Variants in NRXN3 observed in about 807,000 individuals in gnomAD.
The protein encoded by NRXN3 is neurexin 3, also known as neurexin III.
In NRXN3, 32 loss-of-function variants were observed where a neutral mutation model predicts 137.6. The ratio of observed to expected loss-of-function variants is 0.23; its 90% CI spans 0.18 to 0.31. The LOEUF (loss-of-function observed/expected upper bound fraction) is 0.31. Among genes scored for constraint, NRXN3 ranks in the 10% least tolerant of loss-of-function variants. The pLI, the probability that NRXN3 is intolerant of heterozygous loss-of-function variation, is 1.00. For missense variants in NRXN3, 1,574 were observed against 2,062.5 expected, an observed-to-expected ratio of 0.76 and a Z score of 4.59; for synonymous variants, 798 against 784.5, an observed-to-expected ratio of 1.02 and a Z score of -0.29.
intron 15 of NRXN3, among the ~76,000 whole-genome samples, chr14:79,114,175 A>G (rs2054003285): frequency 6.6e-6 from 1 of 152,216 alleles, no homozygotes; most frequent in African/African-American, 2.4e-5. Context: ...GAGGGGAAGA[A>G]GGAAGAGAAG....
intron 20 of NRXN3, chr14:79,854,243 T>C (rs1357177071): frequency 1.6e-6 from 1 of 613,596 alleles, no homozygotes; most frequent in Non-Finnish European, 2.0e-6. Context: ...ATTAATATGG[T>C]ATGCTTTTTT....
At chr14:78,591,835 G>T (rs545540263) in intron 4 of NRXN3, among the ~76,000 whole-genome samples, 1 of 152,260 alleles carries the variant, frequency 6.6e-6, no homozygotes, top group East Asian at 1.9e-4. Context: ...TTGCGCCATC[G>T]CCATTACTCT....
At chr14:79,636,681 C>T (rs2098405460) in intron 16 of NRXN3, among the ~76,000 whole-genome samples, 1 of 152,124 alleles carries the variant, frequency 6.6e-6, no homozygotes, top group Admixed American at 6.6e-5. Flanking sequence ...GAAGCATTAT[C>T]ACTGTTCAGA....
intron 16 of NRXN3, among the ~76,000 whole-genome samples, chr14:79,554,295 G>A (rs555803486): frequency 1.3e-5 from 2 of 152,256 alleles, no homozygotes; most frequent in East Asian, 3.9e-4. Flanking sequence ...TCACAAGGAA[G>A]ACTCGTAAAA....
intron 1 of NRXN3, among the ~76,000 whole-genome samples, chr14:78,205,617 C>A (rs879093322): frequency 6.6e-6 from 1 of 152,120 alleles, no homozygotes; most frequent in Non-Finnish European, 1.5e-5. Flanking sequence ...ACAGTCTGTG[C>A]AGAGGTGGAG....
intron 15 of NRXN3, among the ~76,000 whole-genome samples, chr14:79,151,347 C>A (rs1031399520): frequency 6.6e-6 from 1 of 152,034 alleles, no homozygotes; most frequent in East Asian, 1.9e-4. Flanking sequence ...CTGCAAAGAA[C>A]ATTCTTGGGG....
intron 20 of NRXN3, among the ~76,000 whole-genome samples, chr14:79,852,425 G>A (rs2099393772): frequency 6.6e-6 from 1 of 151,940 alleles, no homozygotes; most frequent in Non-Finnish European, 1.5e-5. Context: ...TTGCTGTTCT[G>A]TTTTTCTATT....
chr14:79,493,777 C>G (rs1429862127), intron 16 of NRXN3, among the ~76,000 whole-genome samples: 2 of 152,198 alleles, frequency 1.3e-5, no homozygotes, highest in Non-Finnish European at 2.9e-5. Flanking sequence ...TTTGGTTACA[C>G]AGAGTATATC....
At chr14:79,708,256 TGTACTAG>T (rs1424771937) in intron 19 of NRXN3, among the ~76,000 whole-genome samples, 2 of 149,936 alleles carry the variant, frequency 1.3e-5, no homozygotes, top group African/African-American at 4.9e-5. Context: ...GCACTTACAT[TGTACTAG>T]ACATTGTAAG....
rs1261345455 is a variant in NRXN3, at chr14:78,607,030, C to T, written c.758-38090C>T. 2.0e-5 allele frequency among the ~76,000 whole-genome samples: 3 copies of T among 152,148 alleles called. No individual in the cohort carries two copies. The East Asian group carries it at 5.8e-4, about 29-fold the overall frequency. On this transcript the variant is annotated intron_variant, in intron 4 of 20. Coordinates refer to ENST00000335750, the MANE Select transcript of NRXN3 (RefSeq NM_001330195.2). Reference sequence around the variant, plus strand: ...GAATTCCCTGATTCTGGCTGGCATGCTCATAATTTCTATGATCACAGCCCC... The same window carrying T: ...GAATTCCCTGATTCTGGCTGGCATGTTCATAATTTCTATGATCACAGCCCC...
At chr14:79,356,050 C>T (rs188749082) in intron 15 of NRXN3, among the ~76,000 whole-genome samples, 83 of 151,972 alleles carry the variant, frequency 5.5e-4, no homozygotes, top group Admixed American at 1.8e-3. Flanking sequence ...AATATTTTTC[C>T]TCCTATTAAT....
chr14:79,719,829 C>G (rs2098838014), intron 19 of NRXN3, among the ~76,000 whole-genome samples: 1 of 151,970 alleles, frequency 6.6e-6, no homozygotes, highest in Non-Finnish European at 1.5e-5. Flanking sequence ...GCTTGTTTAT[C>G]TATAAAATGA....
chr14:78,872,898 T>C (rs2099104922), intron 10 of NRXN3, among the ~76,000 whole-genome samples: 1 of 152,184 alleles, frequency 6.6e-6, no homozygotes, highest in African/African-American at 2.4e-5. Context: ...TTCTTATAAC[T>C]TCGCACTGCT....
chr14:79,227,755 T>C (rs1253667954), intron 15 of NRXN3, among the ~76,000 whole-genome samples: 1 of 98,538 alleles, frequency 1.0e-5, no homozygotes, highest in African/African-American at 3.4e-5. Context: ...CCTTCCTTCC[T>C]TCCTTCCTTC....
At chr14:79,318,341 C>T (rs1197705084) in intron 15 of NRXN3, among the ~76,000 whole-genome samples, 1 of 152,182 alleles carries the variant, frequency 6.6e-6, no homozygotes, top group Non-Finnish European at 1.5e-5. Flanking sequence ...TGTGAAGAAG[C>T]AATTAGGGAA....
chr14:79,499,448 C>A (rs1303354255), intron 16 of NRXN3, among the ~76,000 whole-genome samples: 2 of 152,180 alleles, frequency 1.3e-5, no homozygotes, highest in African/African-American at 4.8e-5. Flanking sequence ...AAGCTCTCTC[C>A]CTCCACCAGT....
chr14:78,792,257 C>CAAAAAAAAAAAA (rs140968788), intron 8 of NRXN3, among the ~76,000 whole-genome samples: 4 of 19,456 alleles, frequency 2.1e-4, no homozygotes, highest in African/African-American at 2.8e-4. Flanking sequence ...AGACTAAAGG[C>CAAAAAAAAAAAA]AAAAAAAAAA....
intron 4 of NRXN3, chr14:78,403,803 C>G (rs1306702508): frequency 1.0e-6 from 1 of 985,272 alleles, no homozygotes; most frequent in East Asian, 1.1e-4. Context: ...TGTTTCTGCC[C>G]CCTGAGGTTG....
intron 16 of NRXN3, among the ~76,000 whole-genome samples, chr14:79,504,076 A>T (rs1449747059): frequency 2.6e-5 from 4 of 152,142 alleles, no homozygotes; most frequent in Non-Finnish European, 1.5e-5. Flanking sequence ...TATTCCTACT[A>T]TAATGTACAC....
Sources: gnomAD v4.1 joint callset for allele counts (sites outside exome capture counted in the v4.1 genomes callset) on GRCh38, gnomAD v4.1.1 for gene constraint, MANE v1.5 for transcripts, NCBI Gene and HGNC (gene_info 2026-07-23, HGNC 2026-07-21) for gene names.